Variants in FAM228B observed in about 807,000 individuals in gnomAD.
FAM228B encodes protein FAM228B.
Under a neutral mutation model 42.6 loss-of-function variants are expected in FAM228B, and 38 were observed. That is an observed-to-expected ratio of 0.89 (90% CI 0.69 to 1.17). The LOEUF (loss-of-function observed/expected upper bound fraction) is 1.17. Among genes scored for constraint, FAM228B ranks in the 50% most tolerant of loss-of-function variants. The probability of loss-of-function intolerance (pLI) is 0.00; values close to 1 mark genes in which losing one functional copy is unlikely to be tolerated. For missense variants in FAM228B, 344 were observed against 367.3 expected, an observed-to-expected ratio of 0.94 and a Z score of 0.52; for synonymous variants, 109 against 122.3, an observed-to-expected ratio of 0.89 and a Z score of 0.72.
At chr2:24,157,507 G>A (rs1275535328) in intron 7 of FAM228B, among the ~76,000 whole-genome samples, 1 of 152,122 alleles carries the variant, frequency 6.6e-6, no homozygotes, top group Non-Finnish European at 1.5e-5. Flanking sequence ...GGAGGCTGAG[G>A]CGGGTGGATG....
At chr2:24,107,282 G>GT (rs1282790526) in intron 3 of FAM228B, among the ~76,000 whole-genome samples, 1 of 152,152 alleles carries the variant, frequency 6.6e-6, no homozygotes, top group Admixed American at 6.5e-5. Context: ...CATAAAACAA[G>GT]TTCTTAGAGA....
intron 7 of FAM228B, among the ~76,000 whole-genome samples, chr2:24,147,842 C>G (rs1558390542): frequency 6.6e-6 from 1 of 150,780 alleles, no homozygotes; most frequent in Non-Finnish European, 1.5e-5. Flanking sequence ...TCTGGTAGTT[C>G]TAATGTTAGG....
At chr2:24,104,363 G>A (rs1665665476) in intron 3 of FAM228B, among the ~76,000 whole-genome samples, 1 of 152,226 alleles carries the variant, frequency 6.6e-6, no homozygotes, top group African/African-American at 2.4e-5. Context: ...TAAGCCTTGG[G>A]CCCTGGGGCA....
chr2:24,102,449 AT>A (rs1665625554), intron 3 of FAM228B, among the ~76,000 whole-genome samples: 1 of 152,184 alleles, frequency 6.6e-6, no homozygotes, highest in South Asian at 2.1e-4. Flanking sequence ...TTTTAAATGT[AT>A]TTTCAGGCTG....
chr2:24,147,870 T>G (rs1032090668), intron 7 of FAM228B, among the ~76,000 whole-genome samples: 2 of 152,050 alleles, frequency 1.3e-5, no homozygotes, highest in African/African-American at 4.8e-5. Flanking sequence ...ATGAATCTAG[T>G]TCTCTTGATT....
Position 24,095,064 on chromosome 2 carries a change from C to T in FAM228B, c.-209-77C>T, listed in dbSNP as rs1307043587. On this transcript the variant is annotated intron_variant, in intron 2 of 10. Transcript: ENST00000613899. This position sits in a 1 kb window ranked among gnomAD's most constrained non-coding sequence, Gnocchi z 4.8. ...TCAGCCAAGATTGCGCCACTGCACT[C>T]CAGCCTTATATTAGAGCAATTTGAT... 1 of 152,196 alleles carries T rather than the reference C, an allele frequency of 6.6e-6. No homozygotes were observed. The highest frequency in any genetic ancestry group is 1.5e-5 in the Non-Finnish European group (1 of 68,082). The allele number at this position is 152,196 out of a possible 1,614,324, so 9.4% of individuals were successfully genotyped here.
intron 2 of FAM228B, chr2:24,082,775 G>A: frequency 7.2e-7 from 1 of 1,382,868 alleles, no homozygotes; most frequent in Non-Finnish European, 9.6e-7. Flanking sequence ...GACAATACAG[G>A]TGATACAGGA....
chr2:24,147,175 T>G, intron 7 of FAM228B, 89 bp downstream of exon 7: 1 of 946,038 alleles, frequency 1.1e-6, no homozygotes, highest in Non-Finnish European at 1.5e-6. Context: ...TTATGATTTT[T>G]TAAAATTATC....
chr2:24,127,012 T>G (rs770561713), intron 2 of FAM228B, among the ~76,000 whole-genome samples: 11 of 152,142 alleles, frequency 7.2e-5, no homozygotes, highest in Non-Finnish European at 1.6e-4. Flanking sequence ...TTTTAGTATA[T>G]TCACAAATCC....
chr2:24,083,336 G>A (rs2150986921), intron 2 of FAM228B, among the ~76,000 whole-genome samples: 1 of 152,238 alleles, frequency 6.6e-6, no homozygotes, highest in South Asian at 2.1e-4. Flanking sequence ...TAAACTGGAG[G>A]TCACATGATC....
At chr2:24,126,691 A>G (rs898151385) in intron 2 of FAM228B, among the ~76,000 whole-genome samples, 6 of 151,770 alleles carry the variant, frequency 4.0e-5, no homozygotes, top group African/African-American at 1.5e-4. Flanking sequence ...GCTCACTGCA[A>G]ACTCTGCCTC....
In FAM228B at chr2:24,080,833, AGCGTT is replaced by A. The variant is rs748870898; in HGVS notation, c.-289-40_-289-36del. ...CAGTTGTTTACCTTTGGTGAATTTC[AGCGTT>A]GCTTCAGAGAAATCCTCTTTTTTGT... On this transcript the variant is annotated intron_variant, in intron 1 of 10. Coordinates refer to the FAM228B transcript ENST00000613899. This position sits in a 1 kb window ranked among gnomAD's most constrained non-coding sequence, Gnocchi z 4.7. 1.1e-5 allele frequency: 18 copies of A among 1,614,204 alleles called. No homozygotes were observed. In the South Asian group the frequency reaches 1.9e-4, roughly 17 times the overall value.
chr2:24,143,338 G>A (rs557239653), intron 5 of FAM228B, among the ~76,000 whole-genome samples: 26 of 151,936 alleles, frequency 1.7e-4, no homozygotes, highest in East Asian at 9.7e-4. Context: ...CCGCCACCAC[G>A]CCCGGCTAAT....
chr2:24,156,768 C>A (rs1020316085), intron 7 of FAM228B, among the ~76,000 whole-genome samples: 1 of 36,874 alleles, frequency 2.7e-5, no homozygotes, highest in Admixed American at 4.3e-4. Context: ...TTATACATTT[C>A]TTTCCGCCCC....
chr2:24,106,316 C>CT (rs386389714), intron 3 of FAM228B, among the ~76,000 whole-genome samples: 13,499 of 106,304 alleles, frequency 0.13, 1,882 homozygotes, highest in African/African-American at 0.32. Flanking sequence ...ATTCAGCATT[C>CT]TTTTTTTTTT....
intron 2 of FAM228B, among the ~76,000 whole-genome samples, chr2:24,086,234 C>CAAAAAAAAAAAAAAAAAAA (rs57641176): frequency 1.6e-5 from 1 of 63,942 alleles, no homozygotes; most frequent in African/African-American, 6.0e-5. Flanking sequence ...GACTCCGTCT[C>CAAAAAAAAAAAAAAAAAAA]AAAAAAAAAA....
At chr2:24,126,704 C>T (rs1181128286) in intron 2 of FAM228B, among the ~76,000 whole-genome samples, 1 of 151,782 alleles carries the variant, frequency 6.6e-6, no homozygotes, top group Non-Finnish European at 1.5e-5. Flanking sequence ...TCTGCCTCCC[C>T]GGTTCACGCC....
intron 2 of FAM228B, among the ~76,000 whole-genome samples, chr2:24,128,167 C>T (rs555884913): frequency 6.6e-6 from 1 of 152,166 alleles, no homozygotes; most frequent in African/African-American, 2.4e-5. Flanking sequence ...TGCTAATAAA[C>T]CTACCTAGCA....
intron 8 of FAM228B, 109 bp from the exon 9 acceptor site, chr2:24,164,089 A>G: frequency 9.8e-7 from 1 of 1,022,530 alleles, no homozygotes; most frequent in Non-Finnish European, 1.4e-6. Context: ...TCATAAAAAT[A>G]CACAAATTCA....
Sources: allele counts gnomAD v4.1 joint callset (sites outside exome capture counted in the v4.1 genomes callset), GRCh38; gene constraint gnomAD v4.1.1; non-coding constraint Gnocchi (gnomAD v3.1); transcripts MANE v1.5; gene names NCBI Gene and HGNC (gene_info 2026-07-23, HGNC 2026-07-21).